MAP3K1: variants seen among roughly 807,000 people sequenced by gnomAD.
The protein encoded by MAP3K1 is MAP/ERK kinase kinase 1.
MAP3K1 carries 36 observed loss-of-function variants against 144.2 expected under a neutral mutation model. The ratio of observed to expected loss-of-function variants is 0.25; its 90% confidence interval spans 0.19 to 0.33. The LOEUF (loss-of-function observed/expected upper bound fraction) is 0.33. Among genes scored for constraint, MAP3K1 ranks in the 10% least tolerant of loss-of-function variants. MAP3K1 has a pLI of 1.00. For missense variants in MAP3K1, 1,650 were observed against 1,881.9 expected (o/e 0.88, Z 2.28); for synonymous variants, 718 against 688.7 (o/e 1.04, Z -0.67).
intron 1 of MAP3K1, chr5:56,820,670 C>T: frequency 1.0e-6 from 1 of 985,296 alleles, no homozygotes; most frequent in Non-Finnish European, 1.2e-6. Context: ...ATGGTAATCA[C>T]ACAGGAAGAG....
intron 1 of MAP3K1, among the ~76,000 whole-genome samples, chr5:56,818,286 T>TA (rs1746042391): frequency 1.3e-5 from 2 of 152,256 alleles, no homozygotes; most frequent in African/African-American, 4.8e-5. Flanking sequence ...CACTATTACT[T>TA]ACCATTTAAA....
intron 1 of MAP3K1, among the ~76,000 whole-genome samples, chr5:56,853,405 A>G (rs187992775): frequency 2.0e-5 from 3 of 152,342 alleles, no homozygotes; most frequent in Admixed American, 6.5e-5. Context: ...AAAAGTTAAT[A>G]AGAATAGTCA....
intron 1 of MAP3K1, among the ~76,000 whole-genome samples, chr5:56,826,788 G>A (rs1746328593): frequency 6.6e-6 from 1 of 152,232 alleles, no homozygotes; most frequent in South Asian, 2.1e-4. Context: ...TAGAGCATGT[G>A]TCTTCAGTCC....
intron 1 of MAP3K1, among the ~76,000 whole-genome samples, chr5:56,830,565 C>T (rs987172494): frequency 6.6e-6 from 1 of 152,112 alleles, no homozygotes; most frequent in Non-Finnish European, 1.5e-5. Flanking sequence ...TGCTATAGTG[C>T]TGGTACACAC....
intron 3 of MAP3K1, among the ~76,000 whole-genome samples, chr5:56,862,554 G>T (rs1353517973): frequency 6.6e-6 from 1 of 152,052 alleles, no homozygotes; most frequent in Non-Finnish European, 1.5e-5. Context: ...CAGTTACATA[G>T]CCTTTCATTA....
intron 10 of MAP3K1, 127 bp downstream of exon 10, chr5:56,875,437 T>A (rs1747995028): frequency 2.1e-6 from 2 of 936,830 alleles, no homozygotes; most frequent in Non-Finnish European, 1.6e-6. Context: ...TTTATTTTTA[T>A]TCCATAATTC....
chr5:56,859,755 T>C lies in MAP3K1; in HGVS notation c.674T>C (p.Met225Thr), dbSNP rs770879992. Residue 225 changes from methionine to threonine, a missense_variant, in exon 3 of 20, where the codon ATG becomes ACG. Physicochemically the swap from Met to Thr is moderately conservative, Grantham distance 81 (BLOSUM62 -1). This residue lies in a region of MAP3K1 where 148 missense variants were observed against 177.2 expected (regional missense o/e 0.84). Transcript: ENST00000399503. ...PIPVKGDGSE[M>T]NHLAAESPGE... ...CCAGTTAAAGGAGATGGATCTGAAA[T>C]GAATCACTTAGCAGCTGAGTCTCCA... 6.2e-7 allele frequency: 1 copy of C among 1,614,052 alleles called. No homozygotes were observed.
At chr5:56,818,772 C>T (rs552724978) in intron 1 of MAP3K1, among the ~76,000 whole-genome samples, 1 of 152,148 alleles carries the variant, frequency 6.6e-6, no homozygotes, top group Non-Finnish European at 1.5e-5. Context: ...AAAAACCAAA[C>T]TATCAATTTG....
At chr5:56,866,204 G>A (rs112682688) in intron 6 of MAP3K1, among the ~76,000 whole-genome samples, 15 of 152,234 alleles carry the variant, frequency 9.9e-5, no homozygotes, top group African/African-American at 3.6e-4. Flanking sequence ...CTTGAGCCCA[G>A]GAGTTCAAGA....
intron 16 of MAP3K1, among the ~76,000 whole-genome samples, chr5:56,885,423 A>AATT (rs1748351019): frequency 6.6e-6 from 1 of 152,192 alleles, no homozygotes; most frequent in Non-Finnish European, 1.5e-5. Context: ...TGGTCTTAAT[A>AATT]AAGATTTACA....
chr5:56,892,145 T>C (rs2111972696), intron 19 of MAP3K1, among the ~76,000 whole-genome samples: 1 of 152,340 alleles, frequency 6.6e-6, no homozygotes, highest in East Asian at 1.9e-4. Context: ...TTTCACGATA[T>C]CGATTCTTCC....
At chr5:56,866,731 G>A (rs1271848764) in intron 6 of MAP3K1, among the ~76,000 whole-genome samples, 2 of 152,136 alleles carry the variant, frequency 1.3e-5, no homozygotes, top group Non-Finnish European at 2.9e-5. Flanking sequence ...CAAAATTCAT[G>A]AAGAATGAAA....
At chr5:56,863,896 T>C (rs1351095896) in intron 3 of MAP3K1, among the ~76,000 whole-genome samples, 1 of 152,238 alleles carries the variant, frequency 6.6e-6, no homozygotes, top group Non-Finnish European at 1.5e-5. Context: ...GAGTGTTATA[T>C]ATTATCCTCA....
At position 56,882,316 on chromosome 5, in the gene MAP3K1, C is replaced by T. The variant is rs1444422239; in HGVS notation, c.3116C>T (p.Ser1039Leu). 1.2e-6 allele frequency: 2 copies of T among 1,614,148 alleles called. No homozygotes were observed. The highest frequency in any genetic ancestry group is 4.5e-5 in the East Asian group (2 of 44,882). ...AGAAACTGTCCTGAAAACAAAGACT[C>T]AGATAAACTTTCCCCAGTCTTTACT... ...FHRNCPENKDSDKLSPVFTQS... is the reference protein window; with the variant it reads ...FHRNCPENKDLDKLSPVFTQS... Residue 1039 changes from serine to leucine, a missense_variant, in exon 14 of 20, where the codon TCA (serine) becomes TTA (leucine). Coordinates refer to ENST00000399503, the MANE Select transcript of MAP3K1 (RefSeq NM_005921.2).
chr5:56,846,510 A>G (rs941294677), intron 1 of MAP3K1, among the ~76,000 whole-genome samples: 1 of 152,214 alleles, frequency 6.6e-6, no homozygotes, highest in African/African-American at 2.4e-5. Flanking sequence ...TCAAATTGCT[A>G]GTCTTCTAGA....
intron 1 of MAP3K1, among the ~76,000 whole-genome samples, chr5:56,855,981 A>T (rs1315767429): frequency 6.6e-6 from 1 of 152,106 alleles, no homozygotes; most frequent in African/African-American, 2.4e-5. Context: ...TAGTTTAGAG[A>T]TTGTTTTATT....
Position 56,875,152 on chromosome 5 carries a change from A to C in MAP3K1, c.1807A>C (p.Thr603Pro). ...GALLLANGES[T>P]GNSGGSSGSS... ...CCTGCTGTTGGCAAATGGGGAGAGC[A>C]CTGGAAATTCTGGGGGCAGCAGTGG... Residue 603 changes from threonine (T) to proline (P), a missense_variant, in exon 10 of 20, where the codon ACT becomes CCT. Thr to Pro is a conservative substitution (Grantham distance 38, BLOSUM62 -1). Transcript: ENST00000399503. The C allele has an allele frequency of 6.2e-7, 1 of 1,614,152 alleles. No homozygotes were observed. Among genetic ancestry groups the C allele is most frequent in the Middle Eastern group, 1.6e-4 (1 of 6,062 alleles).
intron 1 of MAP3K1, chr5:56,820,572 T>C (rs1283267970): frequency 1.0e-6 from 1 of 985,150 alleles, no homozygotes; most frequent in Non-Finnish European, 1.2e-6. Flanking sequence ...GGTTAGTCAT[T>C]AGTGTTGAAT....
chr5:56,876,009 AGTT>A (rs1221507316), intron 10 of MAP3K1, among the ~76,000 whole-genome samples: 1 of 152,146 alleles, frequency 6.6e-6, no homozygotes, highest in Non-Finnish European at 1.5e-5. Context: ...TAGATCATTG[AGTT>A]GTTTTCCAGT....
Sources: gnomAD v4.1 joint callset for allele counts (sites outside exome capture counted in the v4.1 genomes callset) on GRCh38, gnomAD v4.1.1 for gene constraint, gnomAD v4.1.1 regional missense constraint, MANE v1.5 for transcripts, NCBI Gene and HGNC (gene_info 2026-07-23, HGNC 2026-07-21) for gene names.